Variants in TMEM117 observed in about 807,000 individuals in gnomAD.
The protein encoded by TMEM117 is transmembrane protein 117.
In TMEM117, 27 loss-of-function variants were observed where a neutral mutation model predicts 52.4. That is an observed-to-expected ratio of 0.51 (90% CI 0.38 to 0.71). The LOEUF is 0.71. TMEM117 is among the 30% of genes least tolerant of loss of function. TMEM117 has a pLI of 0.00. For missense variants in TMEM117, 556 were observed against 630.5 expected (o/e 0.88, Z 1.26); for synonymous variants, 215 against 206.3 (o/e 1.04, Z -0.36).
At chr12:43,867,099 A>G (rs892393958) in intron 2 of TMEM117, among the ~76,000 whole-genome samples, 9 of 152,290 alleles carry the variant, frequency 5.9e-5, no homozygotes, top group East Asian at 1.9e-4. Context: ...TCAAGAGAAA[A>G]AAAAAAAAGA....
chr12:44,230,674 A>G (rs1949920775), intron 5 of TMEM117, among the ~76,000 whole-genome samples: 1 of 152,028 alleles, frequency 6.6e-6, no homozygotes. Context: ...ATTTACAATC[A>G]TCAATTGGCT....
At chr12:44,255,652 G>A (rs1048539650) in intron 5 of TMEM117, among the ~76,000 whole-genome samples, 1 of 152,018 alleles carries the variant, frequency 6.6e-6, no homozygotes. Flanking sequence ...CTTGGACATG[G>A]TAGGATCACA....
At position 44,376,627 on chromosome 12, in the gene TMEM117, T is replaced by A; in HGVS notation, c.801T>A (p.Val267=). Residue 267 remains valine (V), a synonymous_variant, in exon 7 of 8, where the codon GTT becomes GTA. Coordinates refer to ENST00000266534, the MANE Select transcript of TMEM117 (RefSeq NM_032256.3). ...DWEFPHFMGD[V]DVNLPGLHTP... Reference sequence around the variant, plus strand: ...AATTCCCACATTTCATGGGAGATGTTGATGTAAATCTCCCTGGTTTGCACA... The same window carrying A: ...AATTCCCACATTTCATGGGAGATGTAGATGTAAATCTCCCTGGTTTGCACA... 2 of 1,608,916 alleles carry A rather than the reference T, an allele frequency of 1.2e-6. No homozygotes were observed. Among genetic ancestry groups the A allele is most frequent in the Non-Finnish European group, 1.7e-6 (2 of 1,178,350 alleles).
Position 44,211,328 on chromosome 12 carries a change from CTG to C in TMEM117, c.550_551del (p.Trp184GlyfsTer14). ...TGCTTCAGGACAAACCCTATCCTGA[CTG>C]GGGAAAATCAGCAAGAGCTTTCTGG... Reference protein sequence around the residue: ...MMLQDKPYPDWGKSARAFWKK... With the variant: ...MMLQDKPYPDXGKSARAFWKK... On this transcript the variant is annotated frameshift_variant, in exon 5 of 8. Coordinates refer to ENST00000266534, the MANE Select transcript of TMEM117 (RefSeq NM_032256.3). LOFTEE classifies it high-confidence loss of function. The C allele has an allele frequency of 6.2e-7, 1 of 1,612,452 alleles. No homozygotes were observed. Among genetic ancestry groups the C allele is most frequent in the Non-Finnish European group, 8.5e-7 (1 of 1,179,284 alleles).
At chr12:43,806,449 C>T in the TMEM117 span, 6,329 of 1,060,308 alleles carry the variant, frequency 6.0e-3, 274 homozygotes, top group African/African-American at 0.091. Context: ...GCGGTCCAGC[C>T]CCCGGCCTCG....
intron 3 of TMEM117, among the ~76,000 whole-genome samples, chr12:44,095,730 G>A (rs1313405696): frequency 6.6e-6 from 1 of 152,086 alleles, no homozygotes; most frequent in African/African-American, 2.4e-5. Context: ...ATCTTCACCA[G>A]TGGCCAAGTT....
intron 2 of TMEM117, among the ~76,000 whole-genome samples, chr12:43,916,936 T>A (rs1944614051): frequency 1.3e-5 from 2 of 152,136 alleles, no homozygotes; most frequent in Non-Finnish European, 2.9e-5. Flanking sequence ...TCTCCCCTGC[T>A]ACAGTCAGAT....
At chr12:44,262,338 A>G (rs1426157318) in intron 5 of TMEM117, among the ~76,000 whole-genome samples, 2 of 152,156 alleles carry the variant, frequency 1.3e-5, no homozygotes, top group Non-Finnish European at 2.9e-5. Flanking sequence ...AGAAAACTTT[A>G]TTTTCCCTTG....
chr12:43,844,896 C>G lies in TMEM117; in HGVS notation c.245C>G (p.Ala82Gly). ...WLLAILTGLI[A>G]GKFLFHQRLF... ...CTTGCCATTCTCACAGGACTAATAGCTGGCAAATTTCTGTTCCATCAGCGT... is the reference window on the plus strand; with the variant it reads ...CTTGCCATTCTCACAGGACTAATAGGTGGCAAATTTCTGTTCCATCAGCGT... Residue 82 changes from alanine to glycine, a missense_variant, in exon 2 of 8, where the codon GCT (alanine) becomes GGT (glycine). Transcript: ENST00000266534. 1 of 1,613,718 alleles carries G rather than the reference C, an allele frequency of 6.2e-7. No individual in the cohort carries two copies. The highest frequency in any genetic ancestry group is 8.5e-7 in the Non-Finnish European group (1 of 1,179,942).
intron 6 of TMEM117, among the ~76,000 whole-genome samples, chr12:44,356,627 GT>G (rs1402222565): frequency 6.6e-6 from 1 of 151,956 alleles, no homozygotes; most frequent in Non-Finnish European, 1.5e-5. Flanking sequence ...GTATTTTGTT[GT>G]TGATGTTGTT....
rs143251424 is a variant in TMEM117 at position 44,062,818 on chromosome 12, A to T, written c.411-80707A>T. Reference sequence around the variant, plus strand: ...TTCTCCCTTTAGGGAATCTAATTTGATAAGTGCTAAGACAAGAAACTGCAA... The same window carrying T: ...TTCTCCCTTTAGGGAATCTAATTTGTTAAGTGCTAAGACAAGAAACTGCAA... On this transcript the variant is annotated intron_variant, in intron 3 of 7. Coordinates refer to ENST00000266534, the MANE Select transcript of TMEM117 (RefSeq NM_032256.3). Among the ~76,000 whole-genome samples the T allele has an allele frequency of 3.7e-4, 57 of 152,356 alleles. 2 individuals are homozygous for T. Among genetic ancestry groups the T allele is most frequent in the African/African-American group, 1.3e-3 (53 of 41,584 alleles).
chr12:44,130,734 T>G (rs1314822657), intron 3 of TMEM117, among the ~76,000 whole-genome samples: 2 of 152,152 alleles, frequency 1.3e-5, no homozygotes, highest in Non-Finnish European at 2.9e-5. Flanking sequence ...TATTCCTATG[T>G]ACATTTTGGT....
chr12:43,942,617 G>A (rs569975933), intron 2 of TMEM117, among the ~76,000 whole-genome samples: 8 of 151,118 alleles, frequency 5.3e-5, no homozygotes, highest in South Asian at 4.2e-4. Context: ...TCTCCTCCCC[G>A]CTCTTTTTTT....
chr12:43,820,783 G>C, the TMEM117 span, among the ~76,000 whole-genome samples: 3 of 152,114 alleles, frequency 2.0e-5, no homozygotes, highest in African/African-American at 7.2e-5. Context: ...TTAAATGTTT[G>C]CCAAACCCTT....
At chr12:44,150,402 G>A (rs959277597) in intron 4 of TMEM117, among the ~76,000 whole-genome samples, 1 of 152,082 alleles carries the variant, frequency 6.6e-6, no homozygotes, top group Non-Finnish European at 1.5e-5. Flanking sequence ...CTGGGACTGT[G>A]CTCTTGGGCA....
chr12:44,275,533 T>G (rs1950501355), intron 5 of TMEM117, among the ~76,000 whole-genome samples: 1 of 152,026 alleles, frequency 6.6e-6, no homozygotes, highest in African/African-American at 2.4e-5. Flanking sequence ...TAGCCACGAT[T>G]TGGAAGCAAT....
In TMEM117 at chr12:44,009,866, C is replaced by A. The variant is rs1946261169; in HGVS notation, c.410+65524C>A. On this transcript the variant is annotated intron_variant, in intron 3 of 7. Coordinates refer to ENST00000266534, the MANE Select transcript of TMEM117 (RefSeq NM_032256.3). The stretch of plus-strand genomic sequence containing the variant: ...GCAAAATGGTCAGGAACTGCTCTAA[C>A]ATCAATATTTCCAAGATCTACTCTT... 3.3e-5 allele frequency: 9 copies of A among 275,284 alleles called. No homozygotes were observed. In the South Asian group the frequency reaches 3.9e-4, roughly 12 times the overall value. The allele number at this position is 275,284 out of a possible 1,614,324, so 17.1% of individuals were successfully genotyped here. A position where few individuals can be genotyped will look rare whatever the true frequency, so the allele number is the denominator to read the frequency against.
intron 4 of TMEM117, among the ~76,000 whole-genome samples, chr12:44,190,434 G>A (rs941648876): frequency 6.6e-6 from 1 of 152,138 alleles, no homozygotes; most frequent in African/African-American, 2.4e-5. Context: ...ATGCCCTGGG[G>A]TGAGGCTCGG....
At chr12:44,034,861 C>T (rs997932806) in intron 3 of TMEM117, among the ~76,000 whole-genome samples, 2 of 152,122 alleles carry the variant, frequency 1.3e-5, no homozygotes, top group Non-Finnish European at 2.9e-5. Flanking sequence ...AATCAGTGGA[C>T]TCAGTAAAGT....
Sources: gnomAD v4.1 joint callset for allele counts (sites outside exome capture counted in the v4.1 genomes callset) on GRCh38, gnomAD v4.1.1 for gene constraint, MANE v1.5 for transcripts, NCBI Gene and HGNC (gene_info 2026-07-23, HGNC 2026-07-21) for gene names.